The following FBXL7 variants were observed in gnomAD, a reference collection of about 807,000 sequenced individuals.
FBXL7 encodes F-box/LRR-repeat protein 7.
A neutral mutation model predicts 38.3 loss-of-function variants in FBXL7; 12 were observed. The observed-to-expected ratio is 0.31, with a 90% CI of 0.20 to 0.51. The LOEUF is 0.51. Ranked by LOEUF, FBXL7 falls within the 20% of genes least tolerant of loss-of-function variation. The probability of loss-of-function intolerance (pLI) is 0.98; values close to 1 mark genes in which losing one functional copy is unlikely to be tolerated. For synonymous variants in FBXL7, 297 were observed against 300.9 expected, an observed-to-expected ratio of 0.99 and a Z score of 0.13; for missense variants, 567 against 676.4, an observed-to-expected ratio of 0.84 and a Z score of 1.79.
chr5:15,623,293 G>A (rs528884278), intron 2 of FBXL7, among the ~76,000 whole-genome samples: 1 of 152,140 alleles, frequency 6.6e-6, no homozygotes, highest in Non-Finnish European at 1.5e-5. Flanking sequence ...AGATTAGCTG[G>A]TTACCTAGGG....
At chr5:15,590,473 T>C (rs1402607294) in intron 1 of FBXL7, among the ~76,000 whole-genome samples, 1 of 152,010 alleles carries the variant, frequency 6.6e-6, no homozygotes, top group Non-Finnish European at 1.5e-5. Context: ...TTCCCTACCA[T>C]GGTCTGCAAG....
chr5:15,520,576 G>C (rs1479497631), intron 1 of FBXL7, among the ~76,000 whole-genome samples: 1 of 152,156 alleles, frequency 6.6e-6, no homozygotes, highest in Non-Finnish European at 1.5e-5. Flanking sequence ...ATATCCTGTA[G>C]TTTTAGTTAG....
At chr5:15,507,141 G>A (rs1736669627) in intron 1 of FBXL7, among the ~76,000 whole-genome samples, 1 of 151,914 alleles carries the variant, frequency 6.6e-6, no homozygotes, top group South Asian at 2.1e-4. Flanking sequence ...TGACTTATTG[G>A]ATATGTGCAT....
intron 2 of FBXL7, among the ~76,000 whole-genome samples, chr5:15,703,966 G>A (rs775102674): frequency 8.5e-5 from 13 of 152,192 alleles, no homozygotes; most frequent in Non-Finnish European, 1.5e-5. Context: ...AGCAGTGGCA[G>A]GTCCTCATTT....
intron 2 of FBXL7, among the ~76,000 whole-genome samples, chr5:15,917,016 G>C (rs917634182): frequency 2.0e-5 from 3 of 152,098 alleles, no homozygotes; most frequent in Non-Finnish European, 2.9e-5. Flanking sequence ...CTGTGAAGTG[G>C]GTAGACTTAT....
chr5:15,515,299 A>G (rs1736904739), intron 1 of FBXL7, among the ~76,000 whole-genome samples: 1 of 152,214 alleles, frequency 6.6e-6, no homozygotes, highest in South Asian at 2.1e-4. Context: ...TCTGTGCACT[A>G]AAGTGACTTG....
chr5:15,593,612 A>G (rs1739541070), intron 1 of FBXL7, among the ~76,000 whole-genome samples: 1 of 152,164 alleles, frequency 6.6e-6, no homozygotes, highest in Non-Finnish European at 1.5e-5. Context: ...ATTAGCACTT[A>G]ATAGCTGATT....
chr5:15,927,837 TG>T, intron 2 of FBXL7, 52 bp from the exon 3 acceptor site: 1 of 1,416,436 alleles, frequency 7.1e-7, no homozygotes, highest in Non-Finnish European at 9.2e-7. Flanking sequence ...GCTGCCTCCC[TG>T]GGGCTCTGCT....
At chr5:15,865,118 A>G (rs1739648413) in intron 2 of FBXL7, among the ~76,000 whole-genome samples, 1 of 152,192 alleles carries the variant, frequency 6.6e-6, no homozygotes, top group African/African-American at 2.4e-5. Flanking sequence ...TCAAAATTTC[A>G]TAAGGAGAGA....
In FBXL7 at chr5:15,500,279, C is replaced by A. The variant is rs1329477631; in HGVS notation, c.-398C>A. On this transcript the variant is annotated 5_prime_UTR_variant, in exon 1 of 4. Transcript: ENST00000504595. ...GGCGCGCAGGGGCAGCCGAAGGAGGCGGTCGAGCCGCGGAGCCCAGGGGCC... is the reference window on the plus strand; with the variant it reads ...GGCGCGCAGGGGCAGCCGAAGGAGGAGGTCGAGCCGCGGAGCCCAGGGGCC... 6 of 151,656 alleles carry A rather than the reference C, an allele frequency of 4.0e-5. No individual in the cohort carries two copies. The highest frequency in any genetic ancestry group is 1.5e-4 in the African/African-American group (6 of 41,348). 9.4% of individuals were successfully genotyped at this position (151,656 alleles called of 1,614,324 possible). A position where few individuals can be genotyped will look rare whatever the true frequency, so the allele number is the denominator to read the frequency against.
chr5:15,830,299 C>G (rs1347671824), intron 2 of FBXL7, among the ~76,000 whole-genome samples: 3 of 151,954 alleles, frequency 2.0e-5, no homozygotes, highest in African/African-American at 7.3e-5. Flanking sequence ...GCCTGGCCCA[C>G]ATGGTAAAAC....
At chr5:15,870,143 A>C (rs541544314) in intron 2 of FBXL7, among the ~76,000 whole-genome samples, 1 of 152,170 alleles carries the variant, frequency 6.6e-6, no homozygotes, top group East Asian at 1.9e-4. Context: ...TGCTATTGTC[A>C]AGGTATGGTG....
chr5:15,811,051 A>G (rs1478001099), intron 2 of FBXL7, among the ~76,000 whole-genome samples: 1 of 152,176 alleles, frequency 6.6e-6, no homozygotes, highest in Non-Finnish European at 1.5e-5. Flanking sequence ...TCACAAGCCT[A>G]TGAGAAATTA....
chr5:15,733,162 C>T (rs530650303), intron 2 of FBXL7, among the ~76,000 whole-genome samples: 4 of 152,208 alleles, frequency 2.6e-5, no homozygotes, highest in East Asian at 3.9e-4. Context: ...GGCGCTATCT[C>T]GGCTCACTGC....
chr5:15,670,694 G>A (rs1171424338), intron 2 of FBXL7, among the ~76,000 whole-genome samples: 4 of 152,056 alleles, frequency 2.6e-5, no homozygotes, highest in Admixed American at 6.6e-5. Context: ...CCAGTTACTC[G>A]GGAGGCTGAG....
intron 2 of FBXL7, among the ~76,000 whole-genome samples, chr5:15,676,194 G>A (rs527323831): frequency 2.2e-4 from 34 of 152,236 alleles, no homozygotes; most frequent in African/African-American, 6.5e-4. Context: ...GGTGGCTCAC[G>A]CCTGTAATTA....
intron 2 of FBXL7, among the ~76,000 whole-genome samples, chr5:15,753,226 C>A (rs1165669439): frequency 6.6e-6 from 1 of 152,114 alleles, no homozygotes; most frequent in Non-Finnish European, 1.5e-5. Flanking sequence ...TCAATGAGCG[C>A]TTCAATTCTC....
At chr5:15,610,002 C>T (rs937224590) in intron 1 of FBXL7, among the ~76,000 whole-genome samples, 4 of 152,146 alleles carry the variant, frequency 2.6e-5, no homozygotes, top group Admixed American at 6.5e-5. Context: ...ACAAAAAGCA[C>T]GTCTTACATG....
At chr5:15,911,417 T>A (rs904428256) in intron 2 of FBXL7, among the ~76,000 whole-genome samples, 1 of 138,066 alleles carries the variant, frequency 7.2e-6, no homozygotes, top group South Asian at 2.1e-4. Context: ...ATTCTAGTTA[T>A]ACATTCTTCT....
Sources: gnomAD v4.1 joint callset for allele counts (sites outside exome capture counted in the v4.1 genomes callset) on GRCh38, gnomAD v4.1.1 for gene constraint, MANE v1.5 for transcripts, NCBI Gene and HGNC (gene_info 2026-07-23, HGNC 2026-07-21) for gene names.